INPP4B: variants seen among roughly 807,000 people sequenced by gnomAD.
The protein encoded by INPP4B is inositol polyphosphate 4-phosphatase type II.
Under a neutral mutation model 122.5 loss-of-function variants are expected in INPP4B, and 55 were observed. The observed-to-expected ratio is 0.45, with a 90% CI of 0.36 to 0.56. The LOEUF (loss-of-function observed/expected upper bound fraction) is 0.56. INPP4B is among the 20% of genes least tolerant of loss of function. The pLI, the probability that INPP4B is intolerant of heterozygous loss-of-function variation, is 0.00. For missense variants in INPP4B, 1,000 were observed against 1,097.7 expected, an observed-to-expected ratio of 0.91 and a Z score of 1.26; for synonymous variants, 403 against 388.7, an observed-to-expected ratio of 1.04 and a Z score of -0.43.
intron 10 of INPP4B, among the ~76,000 whole-genome samples, chr4:142,265,926 T>C (rs1342023354): frequency 1.3e-5 from 2 of 152,204 alleles, no homozygotes; most frequent in Non-Finnish European, 2.9e-5. Flanking sequence ...TCCACTACCT[T>C]ATACTATAGT....
chr4:142,069,240 C>G (rs1259117947), intron 25 of INPP4B, among the ~76,000 whole-genome samples: 3 of 152,074 alleles, frequency 2.0e-5, no homozygotes, highest in Non-Finnish European at 4.4e-5. Flanking sequence ...CTACTGGGTA[C>G]ATAACAAAAT....
chr4:142,222,253 C>T (rs1480520852), intron 12 of INPP4B, among the ~76,000 whole-genome samples: 1 of 152,230 alleles, frequency 6.6e-6, no homozygotes, highest in Non-Finnish European at 1.5e-5. Flanking sequence ...AGCCACCATG[C>T]CCAGCCCTTA....
chr4:142,385,492 A>G (rs575407614), intron 7 of INPP4B, among the ~76,000 whole-genome samples: 39 of 152,266 alleles, frequency 2.6e-4, no homozygotes, highest in Non-Finnish European at 4.4e-4. Flanking sequence ...ATTAGTTATA[A>G]CAACTTGTTC....
chr4:142,063,390 T>G (rs1761982542), intron 25 of INPP4B, among the ~76,000 whole-genome samples: 1 of 152,138 alleles, frequency 6.6e-6, no homozygotes, highest in Non-Finnish European at 1.5e-5. Flanking sequence ...CTAAATGAAT[T>G]AAAAAGCTTC....
intron 1 of INPP4B, among the ~76,000 whole-genome samples, chr4:142,771,975 A>G (rs1032999224): frequency 6.6e-6 from 1 of 152,182 alleles, no homozygotes; most frequent in African/African-American, 2.4e-5. Context: ...ACAGTACTGC[A>G]GTGTTGTAAA....
At chr4:142,306,575 A>T (rs951675783) in intron 8 of INPP4B, among the ~76,000 whole-genome samples, 2 of 152,226 alleles carry the variant, frequency 1.3e-5, no homozygotes, top group African/African-American at 2.4e-5. Flanking sequence ...AAATTATTTC[A>T]CACATGAAAG....
At chr4:142,398,879 G>A (rs75185284) in intron 7 of INPP4B, among the ~76,000 whole-genome samples, 9,237 of 152,144 alleles carry the variant, frequency 0.061, 310 homozygotes, top group Non-Finnish European at 0.083. Context: ...CTGGATACCA[G>A]TTTCTGTCCT....
intron 2 of INPP4B, among the ~76,000 whole-genome samples, chr4:142,717,899 AAAG>A (rs1764001401): frequency 6.6e-6 from 1 of 150,388 alleles, no homozygotes; most frequent in Non-Finnish European, 1.5e-5. Flanking sequence ...TAATAAGAAA[AAAG>A]AAAGCAAAAA....
intron 7 of INPP4B, among the ~76,000 whole-genome samples, chr4:142,390,871 A>C (rs576763589): frequency 1.2e-4 from 18 of 152,304 alleles, no homozygotes; most frequent in Admixed American, 9.1e-4. Context: ...AAACTTCACA[A>C]GCATGCAAAA....
chr4:142,541,147 G>T (rs942137821), intron 2 of INPP4B, among the ~76,000 whole-genome samples: 1 of 152,134 alleles, frequency 6.6e-6, no homozygotes, highest in African/African-American at 2.4e-5. Flanking sequence ...TTAAACAGAT[G>T]ATATTTAAAG....
rs1012582995 is a variant in INPP4B at position 142,576,430 on chromosome 4, A to AT, written c.-190-113705dup. On this transcript the variant is annotated intron_variant, in intron 2 of 25. Transcript: ENST00000262992. Reference sequence around the variant, plus strand: ...GATATGTCTTTCTACATTATGACCAATTTTTTTTTCCTAACATGTTTTTTA... The same window carrying AT: ...GATATGTCTTTCTACATTATGACCAATTTTTTTTTTCCTAACATGTTTTTTA... 2.4e-4 allele frequency among the ~76,000 whole-genome samples: 37 copies of AT among 151,522 alleles called. No homozygotes were observed. The South Asian group carries it at 3.7e-3, about 15-fold the overall frequency.
chr4:142,734,462 T>G (rs2150892322), intron 1 of INPP4B, among the ~76,000 whole-genome samples: 1 of 152,298 alleles, frequency 6.6e-6, no homozygotes, highest in Admixed American at 6.5e-5. Flanking sequence ...GTCTCTGGTG[T>G]GCACCAAATG....
At chr4:142,478,785 A>G (rs1198267027) in intron 2 of INPP4B, among the ~76,000 whole-genome samples, 1 of 152,148 alleles carries the variant, frequency 6.6e-6, no homozygotes, top group East Asian at 1.9e-4. Flanking sequence ...TTGATATCAG[A>G]ATAATACTGG....
intron 2 of INPP4B, among the ~76,000 whole-genome samples, chr4:142,619,071 C>T (rs1744318732): frequency 6.6e-6 from 1 of 151,274 alleles, no homozygotes; most frequent in Non-Finnish European, 1.5e-5. Flanking sequence ...TGGTTTTTAT[C>T]GAAAAAGACG....
rs1016965968 is a variant in INPP4B at position 142,622,416 on chromosome 4, T to C, written c.-191+103423A>G. 3.3e-5 allele frequency among the ~76,000 whole-genome samples: 5 copies of C among 151,798 alleles called. No homozygotes were observed. In the South Asian group the frequency reaches 8.3e-4, roughly 25 times the overall value. ...TCCCAACATCTCAGTGTGCATGTCA[T>C]ACTTGCTTGTAATGGTTAAAGCAAT... On this transcript the variant is annotated intron_variant, in intron 2 of 25. Transcript: ENST00000262992.
chr4:142,698,025 A>T (rs572487597), intron 2 of INPP4B, among the ~76,000 whole-genome samples: 1 of 152,264 alleles, frequency 6.6e-6, no homozygotes, highest in East Asian at 1.9e-4. Context: ...ACATGCTTGA[A>T]TTTAAAAAGA....
At position 142,537,425 on chromosome 4, in the gene INPP4B, T is replaced by TAGAGAG. The variant is rs1384384001; in HGVS notation, c.-190-74700_-190-74699insCTCTCT. Reference sequence around the variant, plus strand: ...GTATATATATATATATATATATATATATATAGAGAGAGAGAGAGAGAGAGA... The same window carrying TAGAGAG: ...GTATATATATATATATATATATATATAGAGAGATATAGAGAGAGAGAGAGAGAGAGA... On this transcript the variant is annotated intron_variant, in intron 2 of 25. Coordinates refer to ENST00000262992, the MANE Select transcript of INPP4B (RefSeq NM_001101669.3). Among the ~76,000 whole-genome samples the TAGAGAG allele has an allele frequency of 5.4e-4, 22 of 40,984 alleles. 1 individual carries two copies. The highest frequency in any genetic ancestry group is 1.0e-3 in the Non-Finnish European group (20 of 19,370). The allele number at this position is 40,984 out of a possible 152,430, so 26.9% of individuals were successfully genotyped here.
At chr4:142,072,615 G>A (rs888157280) in intron 25 of INPP4B, among the ~76,000 whole-genome samples, 11 of 149,556 alleles carry the variant, frequency 7.4e-5, no homozygotes, top group Non-Finnish European at 1.2e-4. Flanking sequence ...TAAAAACAAT[G>A]TGATAGGAAG....
At chr4:142,743,985 G>T (rs1768281042) in intron 1 of INPP4B, among the ~76,000 whole-genome samples, 1 of 151,682 alleles carries the variant, frequency 6.6e-6, no homozygotes, top group African/African-American at 2.4e-5. Flanking sequence ...AGATGGCATG[G>T]GTCTTGCATT....
Sources: gnomAD v4.1 joint callset for allele counts (sites outside exome capture counted in the v4.1 genomes callset) on GRCh38, gnomAD v4.1.1 for gene constraint, MANE v1.5 for transcripts, NCBI Gene and HGNC (gene_info 2026-07-23, HGNC 2026-07-21) for gene names.